Variants in TJP1 observed in about 807,000 individuals in gnomAD.
TJP1 encodes tight junction protein 1.
In TJP1, 43 loss-of-function variants were observed where a neutral mutation model predicts 194.2. That is an observed-to-expected ratio of 0.22 (90% CI 0.17 to 0.29). TJP1 has a LOEUF of 0.29. Ranked by LOEUF, TJP1 falls within the 10% of genes least tolerant of loss-of-function variation. TJP1 has a pLI of 1.00. For synonymous variants in TJP1, 801 were observed against 779.0 expected (o/e 1.03, Z -0.47); for missense variants, 1,971 against 2,185.7 (o/e 0.90, Z 1.96).
At chr15:29,890,948 A>G (rs181653153) in intron 2 of TJP1, among the ~76,000 whole-genome samples, 8 of 152,322 alleles carry the variant, frequency 5.3e-5, no homozygotes, top group African/African-American at 1.4e-4. Context: ...GCTCTCTAAA[A>G]AGGTATGAGG....
intron 25 of TJP1, among the ~76,000 whole-genome samples, chr15:29,706,044 G>A (rs370166623): frequency 3.3e-5 from 5 of 152,126 alleles, no homozygotes; most frequent in African/African-American, 1.2e-4. Flanking sequence ...TGATTTTTCT[G>A]CCTCAGCCTC....
intron 23 of TJP1, among the ~76,000 whole-genome samples, chr15:29,711,221 T>G (rs1294694432): frequency 6.6e-6 from 1 of 152,144 alleles, no homozygotes; most frequent in African/African-American, 2.4e-5. Flanking sequence ...AGAATATTAG[T>G]AAAACATCCA....
chr15:29,714,879 T>C (rs1001492316), intron 23 of TJP1, among the ~76,000 whole-genome samples: 2 of 152,182 alleles, frequency 1.3e-5, no homozygotes, highest in African/African-American at 2.4e-5. Flanking sequence ...TTACCAAATA[T>C]GTAAAACGAT....
chr15:29,890,200 G>T (rs942621033), intron 2 of TJP1, among the ~76,000 whole-genome samples: 9 of 152,086 alleles, frequency 5.9e-5, no homozygotes, highest in Non-Finnish European at 8.8e-5. Context: ...GAGGGGACGG[G>T]GTGGGATCCC....
intron 1 of TJP1, among the ~76,000 whole-genome samples, chr15:29,802,101 A>G (rs1370794182): frequency 6.6e-6 from 1 of 152,168 alleles, no homozygotes; most frequent in Non-Finnish European, 1.5e-5. Context: ...ATTTTATGAA[A>G]CTGGGACTCC....
chr15:29,751,178 C>G (rs2045252224), intron 8 of TJP1, among the ~76,000 whole-genome samples: 1 of 152,180 alleles, frequency 6.6e-6, no homozygotes, highest in Admixed American at 6.5e-5. Context: ...GCAAGAGATA[C>G]AGGGCTGGTA....
chr15:29,770,272 C>T (rs550632680), intron 4 of TJP1, among the ~76,000 whole-genome samples: 111 of 152,148 alleles, frequency 7.3e-4, no homozygotes, highest in Middle Eastern at 6.8e-3. Context: ...CATGGCAAAA[C>T]CCCATCTCTA....
rs1206169027 is a variant in TJP1, at chr15:29,718,069, T to C, written c.3926A>G (p.Lys1309Arg). ...ACTGAATTGATTCTGAGAAGTGGGT[T>C]TGGGACCAATGATGGGAGCACCTGA... ...KPSGAPIIGP[K>R]PTSQNQFSEH... The change falls in exon 22 of 28, where the codon AAA becomes AGA. Residue 1309 changes from lysine (K) to arginine (R), a missense_variant. This residue lies in a region of TJP1 where 1,108 missense variants were observed against 1,128.5 expected (regional missense o/e 0.98). Coordinates refer to ENST00000614355, the MANE Select transcript of TJP1 (RefSeq NM_001330239.4). 1.2e-6 allele frequency: 2 copies of C among 1,613,000 alleles called. No homozygotes were observed. Among genetic ancestry groups the C allele is most frequent in the African/African-American group, 1.3e-5 (1 of 74,682 alleles).
In TJP1 at chr15:29,710,839, T is replaced by C. The variant is rs374090872; in HGVS notation, c.4364A>G (p.His1455Arg). ...ACTTCCGAACTTCCTACCTTCACCATGTGCTCCCTTAGAATGTATGTGGAG... is the reference window on the plus strand; with the variant it reads ...ACTTCCGAACTTCCTACCTTCACCACGTGCTCCCTTAGAATGTATGTGGAG... Reference protein sequence around the residue: ...ASLHIHSKGAHGEGNSVSLDF... With the variant: ...ASLHIHSKGARGEGNSVSLDF... The change falls in exon 24 of 28, where the codon CAT (histidine) becomes CGT (arginine). Residue 1455 changes from histidine (H) to arginine (R), a missense_variant. Transcript: ENST00000614355. 5.1e-5 allele frequency: 82 copies of C among 1,613,942 alleles called. 2 individuals carry two copies. The highest frequency in any genetic ancestry group is 2.6e-4 in the South Asian group (24 of 91,080).
At chr15:29,815,975 C>A (rs890262684) in intron 1 of TJP1, among the ~76,000 whole-genome samples, 2 of 152,016 alleles carry the variant, frequency 1.3e-5, no homozygotes, top group African/African-American at 2.4e-5. Context: ...GCCCTCGAAG[C>A]CACAGATTGG....
At chr15:29,741,216 T>C in intron 10 of TJP1, 115 bp downstream of exon 10, 1 of 705,706 alleles carries the variant, frequency 1.4e-6, no homozygotes, top group South Asian at 1.8e-5. Flanking sequence ...ATCATAGTAT[T>C]AGGTGGTATG....
intron 10 of TJP1, 106 bp downstream of exon 10, chr15:29,741,225 T>C (rs2044391953): frequency 1.3e-6 from 1 of 748,888 alleles, no homozygotes; most frequent in Non-Finnish European, 2.2e-6. Flanking sequence ...TTAGGTGGTA[T>C]GTACTATTTT....
At chr15:29,881,315 T>G (rs1266780409) in intron 2 of TJP1, among the ~76,000 whole-genome samples, 2 of 152,234 alleles carry the variant, frequency 1.3e-5, no homozygotes, top group Non-Finnish European at 2.9e-5. Flanking sequence ...CCTATTGAGT[T>G]GTAGGAATTC....
At chr15:29,795,991 T>A (rs1313358823) in intron 2 of TJP1, among the ~76,000 whole-genome samples, 1 of 151,816 alleles carries the variant, frequency 6.6e-6, no homozygotes, top group African/African-American at 2.4e-5. Context: ...TAAACTAAGA[T>A]AAAAGGGAAC....
At chr15:29,744,822 C>T (rs890277151) in intron 8 of TJP1, among the ~76,000 whole-genome samples, 1 of 152,040 alleles carries the variant, frequency 6.6e-6, no homozygotes, top group Non-Finnish European at 1.5e-5. Context: ...GCTACCAGAA[C>T]CTTTAACATC....
In TJP1 at chr15:29,853,928, G is replaced by A. The variant is rs140792468; in HGVS notation, c.307-53226C>T. 4.3e-3 allele frequency among the ~76,000 whole-genome samples: 650 copies of A among 152,140 alleles called. 6 individuals are homozygous for A. Among genetic ancestry groups the A allele is most frequent in the Non-Finnish European group, 5.6e-3 (380 of 68,002 alleles). On this transcript the variant is annotated intron_variant, in intron 2 of 28. Transcript: ENST00000356107. ...CCGAGAGAACATATCCAGGAGCAAC[G>A]ACGCACCTGCAGTTGGAGCAGATAG...
At position 29,822,169 on chromosome 15, in the gene TJP1, G is replaced by A. The variant is rs1329453648; in HGVS notation, c.-141C>T. On this transcript the variant is annotated 5_prime_UTR_variant, in exon 1 of 28. Transcript: ENST00000614355. ...GGGCGGGGGCGGCCGGAAGGGCCCGGCCCAGGGGGAGGGAATTCAACTCGG... is the reference window on the plus strand; with the variant it reads ...GGGCGGGGGCGGCCGGAAGGGCCCGACCCAGGGGGAGGGAATTCAACTCGG... The A allele has an allele frequency of 1.7e-6, 2 of 1,181,752 alleles. No individual in the cohort carries two copies. Among genetic ancestry groups the A allele is most frequent in the Non-Finnish European group, 2.1e-6 (2 of 954,936 alleles). 73.2% of individuals were successfully genotyped at this position (1,181,752 alleles called of 1,614,324 possible).
In TJP1 at chr15:29,858,052, C is replaced by T. The variant is rs988517625; in HGVS notation, c.307-57350G>A. On this transcript the variant is annotated intron_variant, in intron 2 of 28. Transcript: ENST00000356107. Reference sequence around the variant, plus strand: ...TGCTGGGATTACAGGCGTGAGCCACCGCACCCAGCCTAAAGATGACCCCAT... The same window carrying T: ...TGCTGGGATTACAGGCGTGAGCCACTGCACCCAGCCTAAAGATGACCCCAT... 7.2e-5 allele frequency among the ~76,000 whole-genome samples: 11 copies of T among 152,250 alleles called. 1 individual carries two copies. The highest frequency in any genetic ancestry group is 2.6e-4 in the African/African-American group (11 of 41,548).
intron 1 of TJP1, among the ~76,000 whole-genome samples, chr15:29,805,691 A>C (rs1203391378): frequency 6.6e-6 from 1 of 152,208 alleles, no homozygotes; most frequent in Non-Finnish European, 1.5e-5. Flanking sequence ...TTTGCCATTA[A>C]AATGGCATCA....
Sources: allele counts gnomAD v4.1 joint callset (sites outside exome capture counted in the v4.1 genomes callset), GRCh38; gene constraint gnomAD v4.1.1; regional missense constraint gnomAD v4.1.1; transcripts MANE v1.5; gene names NCBI Gene and HGNC (gene_info 2026-07-23, HGNC 2026-07-21).